NOTCH2: variants seen among roughly 807,000 people sequenced by gnomAD.
NOTCH2 encodes the protein notch receptor 2.
In NOTCH2, 29 loss-of-function variants were observed where a neutral mutation model predicts 235.8. That is an observed-to-expected ratio of 0.12 (90% CI 0.09 to 0.17). The LOEUF (loss-of-function observed/expected upper bound fraction) is 0.17. Among genes scored for constraint, NOTCH2 ranks in the 10% least tolerant of loss-of-function variants. NOTCH2 has a pLI of 1.00. For synonymous variants in NOTCH2, 1,086 were observed against 1,141.5 expected, an observed-to-expected ratio of 0.95 and a Z score of 0.98; for missense variants, 2,285 against 3,150.2, an observed-to-expected ratio of 0.73 and a Z score of 6.57.
chr1:119,940,287 A>C (rs1211568387), intron 19 of NOTCH2, among the ~76,000 whole-genome samples: 1 of 152,208 alleles, frequency 6.6e-6, no homozygotes, highest in Non-Finnish European at 1.5e-5. Context: ...AAAAACAAAA[A>C]ACAAAAATCT....
In NOTCH2 at chr1:119,915,267, CA is replaced by C; in HGVS notation, c.*38del. ...TTCATTTGTTCCTCAGCAGCATTTA[CA>C]AAAGTCAGTTATGTCTCTACACTGG... On this transcript the variant is annotated 3_prime_UTR_variant, in exon 34 of 34. Coordinates refer to ENST00000256646, the MANE Select transcript of NOTCH2 (RefSeq NM_024408.4). 2 of 1,604,764 alleles carry C rather than the reference CA, an allele frequency of 1.2e-6. No homozygotes were observed. Among genetic ancestry groups the C allele is most frequent in the Non-Finnish European group, 1.7e-6 (2 of 1,174,492 alleles).
intron 1 of NOTCH2, among the ~76,000 whole-genome samples, chr1:120,048,315 C>CA (rs1351304187): frequency 2.5e-4 from 34 of 138,416 alleles, no homozygotes; most frequent in Middle Eastern, 3.4e-3. Flanking sequence ...TTTTTTCCCC[C>CA]AAAGTGCTGT....
intron 17 of NOTCH2, among the ~76,000 whole-genome samples, chr1:119,943,438 G>A (rs6672942): frequency 0.062 from 9,428 of 152,152 alleles, 957 homozygotes; most frequent in African/African-American, 0.21. Context: ...AAAAAACCAC[G>A]TGGCAGTAAG....
chr1:119,926,659 C>T, intron 23 of NOTCH2, 48 bp from the exon 24 acceptor site: 1 of 1,464,978 alleles, frequency 6.8e-7, no homozygotes, highest in Middle Eastern at 1.7e-4. Flanking sequence ...GAAGTAGTCA[C>T]TGCAAGTTAC....
intron 14 of NOTCH2, among the ~76,000 whole-genome samples, chr1:119,951,718 T>G (rs1553197841): frequency 6.6e-6 from 1 of 152,174 alleles, no homozygotes; most frequent in Non-Finnish European, 1.5e-5. Flanking sequence ...CTGCACACCT[T>G]TGCATCTCCA....
chr1:119,974,393 C>T (rs1254577997), intron 5 of NOTCH2, among the ~76,000 whole-genome samples: 3 of 152,110 alleles, frequency 2.0e-5, no homozygotes, highest in African/African-American at 7.2e-5. Flanking sequence ...TTCCTATGGG[C>T]AAAAGAGAAA....
At chr1:120,013,949 G>A (rs1553207437) in intron 2 of NOTCH2, among the ~76,000 whole-genome samples, 2 of 150,988 alleles carry the variant, frequency 1.3e-5, no homozygotes. Flanking sequence ...CACACATTTT[G>A]GAAAATAGTC....
chr1:119,950,041 G>C (rs183987051), intron 15 of NOTCH2: 70 of 176,590 alleles, frequency 4.0e-4, no homozygotes, highest in South Asian at 3.9e-3. Context: ...CATAACAACT[G>C]AAACAAAGAA....
At chr1:119,965,360 G>T in intron 10 of NOTCH2, 93 bp downstream of exon 10, 3 of 998,134 alleles carry the variant, frequency 3.0e-6, no homozygotes, top group South Asian at 1.3e-5. Flanking sequence ...GGAGTGGACT[G>T]GCCTGGCACA....
At chr1:120,000,784 C>A (rs1283327950) in intron 3 of NOTCH2, among the ~76,000 whole-genome samples, 1 of 151,842 alleles carries the variant, frequency 6.6e-6, no homozygotes, top group Non-Finnish European at 1.5e-5. Flanking sequence ...TCTTATAACA[C>A]CAAATATTTT....
At position 119,965,363 on chromosome 1, in the gene NOTCH2, C is replaced by G. The variant is rs1234633382; in HGVS notation, c.1681+90G>C. The G allele has an allele frequency of 1.4e-5, 15 of 1,043,768 alleles. No individual in the cohort carries two copies. In the African/African-American group the frequency reaches 2.3e-4, roughly 16 times the overall value. The allele number at this position is 1,043,768 out of a possible 1,614,324, so 64.7% of individuals were successfully genotyped here. ...GAGGAGCCTCTGGGAGTGGACTGGC[C>G]TGGCACAGCAGCTAGCAGAGGACAG... On this transcript the variant is annotated intron_variant, in intron 10 of 33. Coordinates refer to ENST00000256646, the MANE Select transcript of NOTCH2 (RefSeq NM_024408.4).
At chr1:119,985,945 T>C (rs1493693) in intron 5 of NOTCH2, among the ~76,000 whole-genome samples, 7,936 of 152,196 alleles carry the variant, frequency 0.052, 331 homozygotes, top group South Asian at 0.11. Flanking sequence ...AAAGCAGAAA[T>C]GTTTGGCCTC....
chr1:119,927,239 C>T (rs946054811), intron 23 of NOTCH2, among the ~76,000 whole-genome samples: 7 of 152,164 alleles, frequency 4.6e-5, no homozygotes, highest in South Asian at 2.1e-4. Context: ...ACAGAGGAGA[C>T]GCAGGGCACA....
chr1:119,932,390 C>G (rs1230924336), intron 22 of NOTCH2, among the ~76,000 whole-genome samples: 1 of 152,092 alleles, frequency 6.6e-6, no homozygotes, highest in Non-Finnish European at 1.5e-5. Context: ...GAGTTCAAGA[C>G]CAGCCTGACC....
chr1:119,921,399 G>C (rs1312544955), intron 29 of NOTCH2, among the ~76,000 whole-genome samples: 1 of 151,424 alleles, frequency 6.6e-6, no homozygotes, highest in Non-Finnish European at 1.5e-5. Context: ...ATAAGGAAGA[G>C]ATGTGGCCAT....
In NOTCH2 at chr1:119,966,459, A is replaced by G; in HGVS notation, c.1484T>C (p.Ile495Thr). The change falls in exon 9 of 34, where the codon ATA becomes ACA. Residue 495 changes from isoleucine to threonine, a missense_variant. Transcript: ENST00000256646. The part of the protein sequence containing the change: ...GFKGVHCELE[I>T]NECQSNPCVN... ...ACAAGGGTTGCTCTGACATTCATTTATTTCTAATTCACAATGCACACCTTT... is the reference window on the plus strand; with the variant it reads ...ACAAGGGTTGCTCTGACATTCATTTGTTTCTAATTCACAATGCACACCTTT... The G allele has an allele frequency of 6.2e-7, 1 of 1,613,880 alleles. No individual in the cohort carries two copies. The highest frequency in any genetic ancestry group is 1.1e-5 in the South Asian group (1 of 91,088).
chr1:119,963,494 C>T, intron 11 of NOTCH2, 80 bp downstream of exon 11: 2 of 1,271,648 alleles, frequency 1.6e-6, no homozygotes, highest in Non-Finnish European at 2.3e-6. Flanking sequence ...TGAGCATATG[C>T]CAACAGTCTG....
chr1:120,029,328 A>G (rs1213067645), intron 2 of NOTCH2, among the ~76,000 whole-genome samples: 1 of 151,724 alleles, frequency 6.6e-6, no homozygotes, highest in African/African-American at 2.4e-5. Context: ...ACACAAGGGA[A>G]TCTAATATAT....
At chr1:119,955,939 T>C (rs1486504121) in intron 12 of NOTCH2, among the ~76,000 whole-genome samples, 1 of 152,244 alleles carries the variant, frequency 6.6e-6, no homozygotes, top group African/African-American at 2.4e-5. Context: ...TCCTAGGCCC[T>C]ATCACCATAG....
Sources: gnomAD v4.1 joint callset for allele counts (sites outside exome capture counted in the v4.1 genomes callset) on GRCh38, gnomAD v4.1.1 for gene constraint, MANE v1.5 for transcripts, NCBI Gene and HGNC (gene_info 2026-07-23, HGNC 2026-07-21) for gene names.